INSIG2: variants seen among roughly 807,000 people sequenced by gnomAD.
INSIG2 encodes the protein insulin-induced gene 2 protein.
A neutral mutation model predicts 27.2 loss-of-function variants in INSIG2; 10 were observed. That is an observed-to-expected ratio of 0.37 (90% CI 0.23 to 0.62). The LOEUF (loss-of-function observed/expected upper bound fraction) is 0.62. INSIG2 is among the 20% of genes least tolerant of loss of function. INSIG2 has a pLI of 0.65. For missense variants in INSIG2, 178 were observed against 270.2 expected (o/e 0.66, Z 2.39); for synonymous variants, 97 against 95.8 (o/e 1.01, Z -0.07).
At chr2:118,096,343 C>A in intron 1 of INSIG2, 76 bp from the exon 2 acceptor site, 1 of 425,790 alleles carries the variant, frequency 2.3e-6, no homozygotes. Context: ...TTTAAATTAA[C>A]TAGTATTGAA....
At chr2:118,104,076 G>A (rs1449704703) in intron 3 of INSIG2, among the ~76,000 whole-genome samples, 2 of 152,136 alleles carry the variant, frequency 1.3e-5, no homozygotes, top group Non-Finnish European at 2.9e-5. Context: ...TGGTAGAAGA[G>A]GAACTAGGAA....
At chr2:118,091,037 A>C (rs1194382102) in intron 1 of INSIG2, among the ~76,000 whole-genome samples, 5 of 152,178 alleles carry the variant, frequency 3.3e-5, no homozygotes, top group Admixed American at 1.3e-4. Context: ...TAAATTTTTC[A>C]AATATAGATT....
intron 3 of INSIG2, among the ~76,000 whole-genome samples, chr2:118,106,279 C>G (rs936339421): frequency 1.2e-4 from 18 of 152,206 alleles, no homozygotes; most frequent in Non-Finnish European, 2.6e-4. Flanking sequence ...GTCAACTCTT[C>G]TATTTTCAAG....
intron 1 of INSIG2, among the ~76,000 whole-genome samples, chr2:118,092,973 T>C (rs1045445782): frequency 4.1e-5 from 6 of 145,074 alleles, no homozygotes; most frequent in African/African-American, 1.6e-4. Context: ...AGGAGAGTTC[T>C]GTAGCTACTG....
chr2:118,089,163 A>G (rs1226665829), intron 1 of INSIG2, among the ~76,000 whole-genome samples: 2 of 152,088 alleles, frequency 1.3e-5, no homozygotes, highest in African/African-American at 4.8e-5. Context: ...GGGGATTGGC[A>G]ATATGGAGAA....
At chr2:118,093,209 AGAT>A (rs72489038) in intron 1 of INSIG2, among the ~76,000 whole-genome samples, 1,882 of 8,206 alleles carry the variant, frequency 0.23, 242 homozygotes, top group Middle Eastern at 0.38. Flanking sequence ...AAAAGCAACC[AGAT>A]GATGATGATG....
intron 1 of INSIG2, among the ~76,000 whole-genome samples, chr2:118,095,390 C>T (rs1678382355): frequency 6.6e-6 from 1 of 152,180 alleles, no homozygotes; most frequent in Admixed American, 6.5e-5. Context: ...CCCAGCTTGG[C>T]CTCTTACTGG....
chr2:118,094,179 T>TGAG (rs1303495471), intron 1 of INSIG2, among the ~76,000 whole-genome samples: 1 of 121,136 alleles, frequency 8.3e-6, no homozygotes, highest in African/African-American at 3.4e-5. Flanking sequence ...ATGATGATGA[T>TGAG]GAGGAGGAGG....
At chr2:118,095,467 A>G (rs1194148619) in intron 1 of INSIG2, among the ~76,000 whole-genome samples, 2 of 152,216 alleles carry the variant, frequency 1.3e-5, no homozygotes, top group Non-Finnish European at 2.9e-5. Flanking sequence ...AAATGTACAT[A>G]ATAATTGCAC....
chr2:118,106,785 C>T lies in INSIG2; in HGVS notation c.418C>T (p.Leu140=). Residue 140 remains leucine, a synonymous_variant, in exon 4 of 6, where the codon CTA becomes TTA. Coordinates refer to ENST00000245787, the MANE Select transcript of INSIG2 (RefSeq NM_016133.4). ...NIQLSLTLAA[L]SIGLWWTFDR... ...ACAGTTGTCTCTCACACTGGCTGCA[C>T]TATCCATTGGACTGTGGTGGACTTT... The T allele has an allele frequency of 6.2e-7, 1 of 1,614,108 alleles. No individual in the cohort carries two copies. The highest frequency in any genetic ancestry group is 8.5e-7 in the Non-Finnish European group (1 of 1,179,946).
intron 4 of INSIG2, 90 bp downstream of exon 4, chr2:118,106,993 G>T: frequency 6.6e-7 from 1 of 1,521,960 alleles, no homozygotes; most frequent in Non-Finnish European, 9.1e-7. Context: ...AATGAGGTTA[G>T]CCAGTTTAAT....
At position 118,110,916 on chromosome 2, in the gene INSIG2, T is replaced by C. The variant is rs1040145546; in HGVS notation, c.*2594T>C. On this transcript the variant is annotated 3_prime_UTR_variant, in exon 6 of 6. Coordinates refer to ENST00000245787, the MANE Select transcript of INSIG2 (RefSeq NM_016133.4). The stretch of plus-strand genomic sequence containing the variant: ...CTTTAAGGCCATTGGGACCTCTCAA[T>C]GATGCATATGTTTCATACATCTTGT... 2 of 152,352 alleles carry C rather than the reference T, an allele frequency of 1.3e-5. No homozygotes were observed. Among genetic ancestry groups the C allele is most frequent in the Admixed American group, 6.5e-5 (1 of 15,308 alleles). 9.4% of individuals were successfully genotyped at this position (152,352 alleles called of 1,614,324 possible).
At chr2:118,092,510 A>G in intron 1 of INSIG2, among the ~76,000 whole-genome samples, 1 of 152,158 alleles carries the variant, frequency 6.6e-6, no homozygotes, top group East Asian at 1.9e-4. Flanking sequence ...GTAACCAAAC[A>G]CTTTTATATA....
At position 118,110,658 on chromosome 2, in the gene INSIG2, T is replaced by C. The variant is rs1001622886; in HGVS notation, c.*2336T>C. On this transcript the variant is annotated 3_prime_UTR_variant, in exon 6 of 6. Transcript: ENST00000245787. ...AAATAAAATTGTTTTGAAATTTTGA[T>C]AAATATATAAATGTATAGAACCTAT... 1 of 152,224 alleles carries C rather than the reference T, an allele frequency of 6.6e-6. No homozygotes were observed. The highest frequency in any genetic ancestry group is 6.5e-5 in the Admixed American group (1 of 15,286). 9.4% of individuals were successfully genotyped at this position (152,224 alleles called of 1,614,324 possible).
In INSIG2 at chr2:118,109,540, A is replaced by G. The variant is rs1463024484; in HGVS notation, c.*1218A>G. On this transcript the variant is annotated 3_prime_UTR_variant, in exon 6 of 6. Coordinates refer to ENST00000245787, the MANE Select transcript of INSIG2 (RefSeq NM_016133.4). The stretch of plus-strand genomic sequence containing the variant: ...GCTAATTTTTTCCATTAGTTTTTGA[A>G]ATTGGTGGCAGTTGTCTGATCCACA... 6.6e-6 allele frequency: 1 copy of G among 152,418 alleles called. No individual in the cohort carries two copies. Among genetic ancestry groups the G allele is most frequent in the Admixed American group, 6.6e-5 (1 of 15,232 alleles). The allele number at this position is 152,418 out of a possible 1,614,324, so 9.4% of individuals were successfully genotyped here. A position where few individuals can be genotyped will look rare whatever the true frequency, so the allele number is the denominator to read the frequency against.
At chr2:118,100,104 C>A (rs1266060148) in intron 2 of INSIG2, among the ~76,000 whole-genome samples, 1 of 152,154 alleles carries the variant, frequency 6.6e-6, no homozygotes, top group East Asian at 1.9e-4. Flanking sequence ...TTCCTCTTAA[C>A]ACCAGCAGTT....
intron 1 of INSIG2, among the ~76,000 whole-genome samples, chr2:118,096,184 T>G (rs1248909302): frequency 1.3e-5 from 2 of 152,218 alleles, no homozygotes; most frequent in Non-Finnish European, 2.9e-5. Context: ...TAGGTCATGT[T>G]TTCTGTCCTA....
In INSIG2 at chr2:118,110,580, G is replaced by A. The variant is rs1179510752; in HGVS notation, c.*2258G>A. 1 of 151,564 alleles carries A rather than the reference G, an allele frequency of 6.6e-6. No homozygotes were observed. The highest frequency in any genetic ancestry group is 1.5e-5 in the Non-Finnish European group (1 of 67,882). 9.4% of individuals were successfully genotyped at this position (151,564 alleles called of 1,614,324 possible). On this transcript the variant is annotated 3_prime_UTR_variant, in exon 6 of 6. Transcript: ENST00000245787. ...TCGGTGAGACTGAATGATTATCGTT[G>A]GTGTTCTTAAATTATTTTCAGGTCC...
intron 1 of INSIG2, among the ~76,000 whole-genome samples, chr2:118,092,921 A>G (rs62163651): frequency 6.2e-5 from 9 of 144,424 alleles, no homozygotes; most frequent in Middle Eastern, 3.7e-3. Context: ...GAACCTTGCT[A>G]AAAGCAACCA....
Sources: allele counts gnomAD v4.1 joint callset (sites outside exome capture counted in the v4.1 genomes callset), GRCh38; gene constraint gnomAD v4.1.1; transcripts MANE v1.5; gene names NCBI Gene and HGNC (gene_info 2026-07-23, HGNC 2026-07-21).